Variants in MYH3 observed in about 807,000 individuals in gnomAD.
The protein encoded by MYH3 is myosin heavy chain 3, also known as myosin-3.
Under a neutral mutation model 238.0 loss-of-function variants are expected in MYH3, and 130 were observed. The ratio of observed to expected loss-of-function variants is 0.55; its 90% confidence interval spans 0.47 to 0.63. The LOEUF is 0.63. Ranked by LOEUF, MYH3 falls within the 30% of genes least tolerant of loss-of-function variation. MYH3 has a pLI of 0.00. For missense variants in MYH3, 1,853 were observed against 2,374.9 expected (o/e 0.78, Z 4.57); for synonymous variants, 880 against 924.1 (o/e 0.95, Z 0.86).
chr17:10,642,616 G>A lies in MYH3; in HGVS notation c.1689C>T (p.Asn563=). The change falls in exon 16 of 41, where the codon AAC becomes AAT. Residue 563 remains asparagine, a synonymous_variant. Coordinates refer to ENST00000583535, the MANE Select transcript of MYH3 (RefSeq NM_002470.4). This position sits in a 1 kb window ranked among gnomAD's most constrained non-coding sequence, Gnocchi z 5.4. ...CTTTGACCACCTTGGGCTTCTGGAAGTTGTTGGACTTTCCAAGATGCTGGT... is the reference window on the plus strand; with the variant it reads ...CTTTGACCACCTTGGGCTTCTGGAAATTGTTGGACTTTCCAAGATGCTGGT... The part of the protein sequence containing the change: ...LYDQHLGKSN[N]FQKPKVVKGR... 7 of 1,614,230 alleles carry A rather than the reference G, an allele frequency of 4.3e-6. No individual in the cohort carries two copies. Among genetic ancestry groups the A allele is most frequent in the Non-Finnish European group, 5.9e-6 (7 of 1,180,056 alleles).
At position 10,641,214 on chromosome 17, in the gene MYH3, AG is replaced by A. The variant is rs1555526277; in HGVS notation, c.2048-13del. On this transcript the variant is annotated splice_polypyrimidine_tract_variant and intron_variant, in intron 18 of 40. Coordinates refer to ENST00000583535, the MANE Select transcript of MYH3 (RefSeq NM_002470.4). ...GTGTTCCATAGCCCCTGGGAACAGAAGCGAGATATCAGCCTTACACAGAATT... is the reference window on the plus strand; with the variant it reads ...GTGTTCCATAGCCCCTGGGAACAGAACGAGATATCAGCCTTACACAGAATT... 1 of 1,612,820 alleles carries A rather than the reference AG, an allele frequency of 6.2e-7. No individual in the cohort carries two copies. Among genetic ancestry groups the A allele is most frequent in the Non-Finnish European group, 8.5e-7 (1 of 1,178,788 alleles).
chr17:10,635,537 C>G lies in MYH3; in HGVS notation c.4002G>C (p.Leu1334=). The change falls in exon 30 of 41, where the codon CTG becomes CTC. Residue 1334 remains leucine, a synonymous_variant. Coordinates refer to ENST00000583535, the MANE Select transcript of MYH3 (RefSeq NM_002470.4). ...NKAKNALAHA[L]QSSRHDCDLL... is the part of the protein sequence containing the mutation. ...GGTCACAGTCGTGGCGGGAGGACTGCAGGGCGTGCGCCAGGGCGTTCTTGG... is the reference window on the plus strand; with the variant it reads ...GGTCACAGTCGTGGCGGGAGGACTGGAGGGCGTGCGCCAGGGCGTTCTTGG... The G allele has an allele frequency of 6.2e-7, 1 of 1,614,224 alleles. No homozygotes were observed. Among genetic ancestry groups the G allele is most frequent in the African/African-American group, 1.3e-5 (1 of 75,066 alleles).
At chr17:10,653,125 G>A (rs1357790319) in intron 3 of MYH3, among the ~76,000 whole-genome samples, 3 of 152,160 alleles carry the variant, frequency 2.0e-5, no homozygotes, top group Non-Finnish European at 2.9e-5. Flanking sequence ...GGTGAGAGAC[G>A]GATGTCGGAA....
intron 12 of MYH3, 54 bp downstream of exon 12, chr17:10,645,653 T>G: frequency 3.7e-6 from 6 of 1,606,270 alleles, no homozygotes; most frequent in Non-Finnish European, 5.1e-6. Context: ...CAGTACCAAG[T>G]GACCTCAGCA....
In MYH3 at chr17:10,638,575, G is replaced by T. The variant is rs2285476; in HGVS notation, c.3340-143C>A. The T allele has an allele frequency of 0.66, 758,420 of 1,153,226 alleles. 262,394 individuals are homozygous for T. Among genetic ancestry groups the T allele is most frequent in the Non-Finnish European group, 0.72 (588,833 of 816,678 alleles). 71.4% of individuals were successfully genotyped at this position (1,153,226 alleles called of 1,614,324 possible). A position where few individuals can be genotyped will look rare whatever the true frequency, so the allele number is the denominator to read the frequency against. On this transcript the variant is annotated intron_variant, in intron 26 of 40. Transcript: ENST00000583535. ...TGAATACTGCAAATTTCCTTTCACA[G>T]GAATTTTTTCTGCCCCAACATGGTA...
rs1338870916 is a variant in MYH3 at position 10,655,022 on chromosome 17, G to A, written c.43C>T (p.Pro15Ser). The A allele has an allele frequency of 3.7e-6, 6 of 1,614,088 alleles. No individual in the cohort carries two copies. Among genetic ancestry groups the A allele is most frequent in the Middle Eastern group, 1.6e-4 (1 of 6,084 alleles). Residue 15 changes from proline (P) to serine (S), a missense_variant, in exon 3 of 41, where the codon CCT becomes TCT. Pro to Ser is a moderately conservative substitution (Grantham distance 74). Coordinates refer to ENST00000583535, the MANE Select transcript of MYH3 (RefSeq NM_002470.4). ...TEMEVFGIAA[P>S]FLRKSEKERI... ...TCCTTTTCTGACTTCCGGAGGAAAG[G>A]AGCAGCTATGCCGAACACTTCCATT...
rs754964835 is a variant in MYH3 at position 10,642,582 on chromosome 17, C to T, written c.1723G>A (p.Glu575Lys). 30 of 1,614,074 alleles carry T rather than the reference C, an allele frequency of 1.9e-5. No homozygotes were observed. Among genetic ancestry groups the T allele is most frequent in the Middle Eastern group, 1.6e-4 (1 of 6,084 alleles). ...TAGTGGATCAGTGAGAAGTGAGCCT[C>T]GGCCCTGCCTTTGACCACCTTGGGC... ...QKPKVVKGRAEAHFSLIHYAG... is the reference protein window; with the variant it reads ...QKPKVVKGRAKAHFSLIHYAG... The change falls in exon 16 of 41, where the codon GAG (glutamate) becomes AAG (lysine). Residue 575 changes from glutamate (E) to lysine (K), a missense_variant. Coordinates refer to ENST00000583535, the MANE Select transcript of MYH3 (RefSeq NM_002470.4). This position sits in a 1 kb window ranked among gnomAD's most constrained non-coding sequence, Gnocchi z 5.4.
intron 3 of MYH3, among the ~76,000 whole-genome samples, chr17:10,653,230 G>C (rs564577991): frequency 6.6e-6 from 1 of 152,256 alleles, no homozygotes; most frequent in East Asian, 1.9e-4. Context: ...ACACTGCCTG[G>C]ACCAAAATCC....
At chr17:10,631,508 GCA>G in intron 36 of MYH3, 101 bp downstream of exon 36, 1 of 1,554,582 alleles carries the variant, frequency 6.4e-7, no homozygotes, top group Non-Finnish European at 8.8e-7. Flanking sequence ...AGCAGAATGT[GCA>G]CCAGGTGTGG....
Position 10,639,559 on chromosome 17 carries a change from C to T in MYH3, c.2925+1G>A, listed in dbSNP as rs1415921963. On this transcript the variant is annotated splice_donor_variant, in intron 23 of 40. Transcript: ENST00000583535. LOFTEE classifies it high-confidence loss of function. ...GCTAGACACACCTACAATAAGAATA[C>T]CTTGTTCTCTGTGGCATGCTTCTCC... The T allele has an allele frequency of 6.2e-7, 1 of 1,614,108 alleles. No homozygotes were observed. Among genetic ancestry groups the T allele is most frequent in the Admixed American group, 1.7e-5 (1 of 60,016 alleles).
At chr17:10,637,435 C>T (rs187016548) in intron 28 of MYH3, among the ~76,000 whole-genome samples, 13 of 152,242 alleles carry the variant, frequency 8.5e-5, no homozygotes, top group Non-Finnish European at 1.6e-4. Flanking sequence ...AAAACTTGGA[C>T]GCAGACAATG....
chr17:10,640,757 G>C, intron 19 of MYH3, 71 bp from the exon 20 acceptor site: 3 of 1,562,432 alleles, frequency 1.9e-6, no homozygotes, highest in Non-Finnish European at 2.6e-6. Flanking sequence ...ATGTAGTTCA[G>C]GCCTCTCTTC....
chr17:10,646,055 G>C (rs912173076), intron 10 of MYH3, 23 bp from the exon 11 acceptor site: 2 of 1,602,554 alleles, frequency 1.2e-6, no homozygotes, highest in Non-Finnish European at 1.7e-6. Context: ...ATAGTTCCAG[G>C]AGGTTATGCA....
chr17:10,652,277 TCTC>T, intron 4 of MYH3, 140 bp downstream of exon 4: 1 of 1,082,668 alleles, frequency 9.2e-7, no homozygotes, highest in Non-Finnish European at 1.4e-6. Context: ...TTGCCTTCTT[TCTC>T]CTCCGTCTTT....
chr17:10,647,523 T>G (rs975235719), intron 8 of MYH3, 97 bp from the exon 9 acceptor site: 6 of 1,363,020 alleles, frequency 4.4e-6, no homozygotes, highest in Admixed American at 1.9e-5. Context: ...CTAGTCCCCC[T>G]AAAATTTTTG....
At chr17:10,651,889 A>G (rs930259417) in intron 4 of MYH3, 1 of 555,700 alleles carries the variant, frequency 1.8e-6, no homozygotes, top group African/African-American at 1.9e-5. Context: ...GACTACAGGT[A>G]CATGCCATCA....
intron 17 of MYH3, among the ~76,000 whole-genome samples, chr17:10,641,759 C>T (rs1229543782): frequency 1.3e-5 from 2 of 152,050 alleles, no homozygotes; most frequent in East Asian, 1.9e-4. Context: ...TGTGATCTGC[C>T]CACCTCGGCC....
intron 18 of MYH3, 40 bp from the exon 19 acceptor site, chr17:10,641,242 C>T (rs2142401987): frequency 1.9e-6 from 3 of 1,611,696 alleles, no homozygotes; most frequent in Non-Finnish European, 2.5e-6. Flanking sequence ...CACAGAATTT[C>T]TTAAAAACTG....
intron 33 of MYH3, among the ~76,000 whole-genome samples, chr17:10,633,152 C>T (rs2074181521): frequency 6.6e-6 from 1 of 152,094 alleles, no homozygotes; most frequent in Admixed American, 6.6e-5. Flanking sequence ...ACAGAGGTTG[C>T]AGTGGGCCTA....
Sources: allele counts gnomAD v4.1 joint callset (sites outside exome capture counted in the v4.1 genomes callset), GRCh38; gene constraint gnomAD v4.1.1; non-coding constraint Gnocchi (gnomAD v3.1); transcripts MANE v1.5; gene names NCBI Gene and HGNC (gene_info 2026-07-23, HGNC 2026-07-21).